Variants in ST3GAL3 observed in about 807,000 individuals in gnomAD.
ST3GAL3 encodes ST3 beta-galactoside alpha-2,3-sialyltransferase 3.
In ST3GAL3, 21 loss-of-function variants were observed where a neutral mutation model predicts 50.1. That is an observed-to-expected ratio of 0.42 (90% CI 0.30 to 0.60). The LOEUF is 0.60. Among genes scored for constraint, ST3GAL3 ranks in the 20% least tolerant of loss-of-function variants. The pLI is 0.19. For synonymous variants in ST3GAL3, 183 were observed against 190.0 expected, an observed-to-expected ratio of 0.96 and a Z score of 0.30; for missense variants, 353 against 489.4, an observed-to-expected ratio of 0.72 and a Z score of 2.63.
At chr1:43,713,670 A>C (rs1665882147) in intron 1 of ST3GAL3, among the ~76,000 whole-genome samples, 1 of 151,716 alleles carries the variant, frequency 6.6e-6, no homozygotes, top group South Asian at 2.1e-4. Flanking sequence ...AGCTGGTACC[A>C]CAGGCACTCA....
chr1:43,924,327 C>A (rs1394790373), intron 11 of ST3GAL3, among the ~76,000 whole-genome samples: 1 of 152,246 alleles, frequency 6.6e-6, no homozygotes, highest in Non-Finnish European at 1.5e-5. Context: ...GCGCCCACTT[C>A]AGATTGCCCT....
intron 3 of ST3GAL3, among the ~76,000 whole-genome samples, chr1:43,804,166 G>C (rs2059624490): frequency 6.6e-6 from 1 of 152,148 alleles, no homozygotes; most frequent in African/African-American, 2.4e-5. Flanking sequence ...AATAGTCCCT[G>C]AAGTGTTGGT....
chr1:43,773,705 G>A (rs1331990203), intron 2 of ST3GAL3, among the ~76,000 whole-genome samples: 1 of 152,100 alleles, frequency 6.6e-6, no homozygotes, highest in African/African-American at 2.4e-5. Context: ...CTCCTTCATA[G>A]CCATGGTACC....
At chr1:43,751,187 C>G (rs889572249) in intron 2 of ST3GAL3, among the ~76,000 whole-genome samples, 1 of 152,010 alleles carries the variant, frequency 6.6e-6, no homozygotes, top group Non-Finnish European at 1.5e-5. Context: ...AATGATGGTA[C>G]GTAATTGTTA....
At chr1:43,810,936 C>T (rs1160167216) in intron 3 of ST3GAL3, among the ~76,000 whole-genome samples, 3 of 152,080 alleles carry the variant, frequency 2.0e-5, no homozygotes, top group Admixed American at 2.0e-4. Flanking sequence ...ACCCTCTGCA[C>T]TCTGGCCCCT....
chr1:43,759,061 G>A lies in ST3GAL3; in HGVS notation c.118+22681G>A, dbSNP rs541050541. Reference sequence around the variant, plus strand: ...TGTCTCCTAAAAAACAAACAAAAGCGCGCGCACACACACACACACACACAC... The same window carrying A: ...TGTCTCCTAAAAAACAAACAAAAGCACGCGCACACACACACACACACACAC... On this transcript the variant is annotated intron_variant, in intron 2 of 11. Coordinates refer to ENST00000347631, the MANE Select transcript of ST3GAL3 (RefSeq NM_006279.5). Among the ~76,000 whole-genome samples the A allele has an allele frequency of 7.5e-3, 574 of 76,554 alleles. 7 individuals are homozygous for A. The highest frequency in any genetic ancestry group is 0.047 in the African/African-American group (548 of 11,570). 50.2% of individuals were successfully genotyped at this position (76,554 alleles called of 152,430 possible). A position where few individuals can be genotyped will look rare whatever the true frequency, so the allele number is the denominator to read the frequency against.
chr1:43,791,951 T>TG (rs929157777), intron 2 of ST3GAL3, 151 bp from the exon 3 acceptor site: 10 of 849,360 alleles, frequency 1.2e-5, no homozygotes, highest in East Asian at 2.6e-5. Flanking sequence ...GCTCAGTGGA[T>TG]GGGTGGGCAT....
At chr1:43,814,372 A>G (rs2060987847) in intron 3 of ST3GAL3, among the ~76,000 whole-genome samples, 1 of 152,220 alleles carries the variant, frequency 6.6e-6, no homozygotes. Context: ...GCATCAATTT[A>G]TCTTTAAATT....
chr1:43,841,342 T>G (rs1314467278), intron 5 of ST3GAL3: 1 of 152,214 alleles, frequency 6.6e-6, no homozygotes, highest in African/African-American at 2.4e-5. Context: ...CTGTGAGGGC[T>G]CCACTCCTGC....
chr1:43,817,707 TCTCCTTCTC>T (rs1230330720), intron 4 of ST3GAL3, among the ~76,000 whole-genome samples: 2 of 138,700 alleles, frequency 1.4e-5, no homozygotes, highest in Admixed American at 7.3e-5. Context: ...CCTTCTTCCT[TCTCCTTCTC>T]CTCCTTCTCC....
intron 2 of ST3GAL3, among the ~76,000 whole-genome samples, chr1:43,791,144 G>A (rs1482886611): frequency 6.6e-6 from 1 of 152,114 alleles, no homozygotes; most frequent in African/African-American, 2.4e-5. Context: ...GAGTTCAAGC[G>A]TCACTTCTTC....
At chr1:43,780,491 C>T (rs772864079) in intron 2 of ST3GAL3, among the ~76,000 whole-genome samples, 6 of 152,064 alleles carry the variant, frequency 3.9e-5, no homozygotes, top group Non-Finnish European at 7.4e-5. Context: ...TTCTTTTCAG[C>T]ATTTTCTCCT....
At chr1:43,772,656 A>G (rs1228493449) in intron 2 of ST3GAL3, 1 of 148,220 alleles carries the variant, frequency 6.7e-6, no homozygotes, top group Non-Finnish European at 1.5e-5. Flanking sequence ...CCTTGCAGTG[A>G]TTTTTTTTTT....
intron 2 of ST3GAL3, among the ~76,000 whole-genome samples, chr1:43,779,507 T>C (rs1425838676): frequency 6.6e-6 from 1 of 152,224 alleles, no homozygotes; most frequent in African/African-American, 2.4e-5. Context: ...TTTAACTCTT[T>C]TAGGTAACTT....
At chr1:43,821,585 A>G (rs1346218740) in intron 4 of ST3GAL3, among the ~76,000 whole-genome samples, 1 of 152,194 alleles carries the variant, frequency 6.6e-6, no homozygotes, top group Non-Finnish European at 1.5e-5. Context: ...AAGAAAACTG[A>G]GAAGAATATG....
intron 5 of ST3GAL3, among the ~76,000 whole-genome samples, chr1:43,844,326 A>G (rs1011459722): frequency 6.6e-6 from 1 of 152,206 alleles, no homozygotes; most frequent in African/African-American, 2.4e-5. Flanking sequence ...CTCTAATTGC[A>G]TAGTTGGTTC....
chr1:43,764,452 C>T (rs375063925), intron 2 of ST3GAL3, among the ~76,000 whole-genome samples: 4 of 152,060 alleles, frequency 2.6e-5, no homozygotes, highest in East Asian at 1.9e-4. Flanking sequence ...TGTCTCAGGC[C>T]GAGATCCAGG....
chr1:43,748,879 AAAG>A (rs1452003444), intron 2 of ST3GAL3, among the ~76,000 whole-genome samples: 1 of 152,000 alleles, frequency 6.6e-6, no homozygotes, highest in Non-Finnish European at 1.5e-5. Context: ...AGGCTTAAAA[AAAG>A]AAATCAATAG....
chr1:43,842,027 A>C (rs2065462052), intron 5 of ST3GAL3: 1 of 152,238 alleles, frequency 6.6e-6, no homozygotes. Context: ...ATTCCTTGGG[A>C]AAGGGCACAA....
Sources: allele counts gnomAD v4.1 joint callset (sites outside exome capture counted in the v4.1 genomes callset), GRCh38; gene constraint gnomAD v4.1.1; transcripts MANE v1.5; gene names NCBI Gene and HGNC (gene_info 2026-07-23, HGNC 2026-07-21).